Variants in IPO7 observed in about 807,000 individuals in gnomAD.
The protein encoded by IPO7 is importin 7.
Under a neutral mutation model 136.4 loss-of-function variants are expected in IPO7, and 13 were observed. That is an observed-to-expected ratio of 0.10 (90% CI 0.06 to 0.15). IPO7 has a LOEUF of 0.15. IPO7 is among the 10% of genes least tolerant of loss of function. IPO7 has a pLI of 1.00. For synonymous variants in IPO7, 403 were observed against 404.4 expected, an observed-to-expected ratio of 1.00 and a Z score of 0.04; for missense variants, 857 against 1,240.6, an observed-to-expected ratio of 0.69 and a Z score of 4.65.
Position 9,414,345 on chromosome 11 carries a change from T to G in IPO7, c.570T>G (p.Ser190=), listed in dbSNP as rs745830272. ...AGGATCGTTTTATCCAGCTTCTTTC[T>G]GACCAGTCTGATCAGTCTGTCCTCA... ...VLKDRFIQLL[S]DQSDQSVLIQ... Residue 190 remains serine, a synonymous_variant, in exon 5 of 25, where the codon TCT becomes TCG. Coordinates refer to ENST00000379719, the MANE Select transcript of IPO7 (RefSeq NM_006391.3). The G allele has an allele frequency of 2.5e-6, 4 of 1,612,682 alleles. No homozygotes were observed. The South Asian group carries it at 4.4e-5, about 18-fold the overall frequency.
chr11:9,417,874 G>A (rs1266175300), intron 6 of IPO7, among the ~76,000 whole-genome samples: 5 of 151,422 alleles, frequency 3.3e-5, no homozygotes, highest in African/African-American at 1.2e-4. Flanking sequence ...TACCAAGCCC[G>A]TCTAATTTTT....
intron 1 of IPO7, among the ~76,000 whole-genome samples, chr11:9,388,505 G>A (rs1854583611): frequency 6.8e-6 from 1 of 146,652 alleles, no homozygotes; most frequent in Non-Finnish European, 1.5e-5. Context: ...TTGAGACAGG[G>A]TCTTGCTCCA....
chr11:9,395,221 A>T (rs1854691489), intron 1 of IPO7, among the ~76,000 whole-genome samples: 1 of 152,102 alleles, frequency 6.6e-6, no homozygotes, highest in Non-Finnish European at 1.5e-5. Flanking sequence ...TGATATTTTT[A>T]ATTAAGCTTA....
intron 20 of IPO7, among the ~76,000 whole-genome samples, chr11:9,437,224 T>G (rs917045296): frequency 3.3e-5 from 5 of 151,194 alleles, no homozygotes; most frequent in Admixed American, 6.6e-5. Context: ...AAGCCATGAT[T>G]GATATCATCG....
intron 4 of IPO7, among the ~76,000 whole-genome samples, chr11:9,413,284 G>C (rs1854994415): frequency 1.3e-5 from 2 of 152,104 alleles, no homozygotes; most frequent in Admixed American, 1.3e-4. Flanking sequence ...TTGATAGCCT[G>C]TTGGTCACAT....
At chr11:9,407,147 A>G (rs1854900091) in intron 2 of IPO7, among the ~76,000 whole-genome samples, 1 of 152,216 alleles carries the variant, frequency 6.6e-6, no homozygotes, top group Admixed American at 6.5e-5. Context: ...ATCCAGAGAC[A>G]TTGGGACTGT....
At chr11:9,407,420 G>T (rs1025829887) in intron 2 of IPO7, among the ~76,000 whole-genome samples, 2 of 152,090 alleles carry the variant, frequency 1.3e-5, no homozygotes, top group African/African-American at 4.8e-5. Flanking sequence ...TGGGCATGGT[G>T]GTGCATGCCT....
At chr11:9,442,751 G>A (rs1484213425) in intron 24 of IPO7, among the ~76,000 whole-genome samples, 1 of 151,824 alleles carries the variant, frequency 6.6e-6, no homozygotes, top group Admixed American at 6.6e-5. Flanking sequence ...GGCCAGGTGT[G>A]GTGGCTCATG....
At chr11:9,416,972 A>G (rs1289584914) in intron 5 of IPO7, 87 bp from the exon 6 acceptor site, 1 of 591,278 alleles carries the variant, frequency 1.7e-6, no homozygotes, top group Admixed American at 2.9e-5. Context: ...TGAATGAAAT[A>G]CTTTTGGTAG....
Position 9,441,328 on chromosome 11 carries a change from C to T in IPO7, c.2902+667C>T, listed in dbSNP as rs184822816. 2.2e-3 allele frequency among the ~76,000 whole-genome samples: 336 copies of T among 152,210 alleles called. 3 individuals carry two copies. Among genetic ancestry groups the T allele is most frequent in the Non-Finnish European group, 2.4e-3 (164 of 68,020 alleles). On this transcript the variant is annotated intron_variant, in intron 23 of 24. Coordinates refer to ENST00000379719, the MANE Select transcript of IPO7 (RefSeq NM_006391.3). Reference sequence around the variant, plus strand: ...AATACTAGGTTCTGGTTGGTTTTTACCATCATTTACTTGGATTTCAACAAG... The same window carrying T: ...AATACTAGGTTCTGGTTGGTTTTTATCATCATTTACTTGGATTTCAACAAG...
chr11:9,417,178 T>C, intron 6 of IPO7, 30 bp downstream of exon 6: 1 of 895,416 alleles, frequency 1.1e-6, no homozygotes, highest in Non-Finnish European at 1.8e-6. Flanking sequence ...CTTATATTAC[T>C]AAATGTAAAT....
chr11:9,419,102 C>A (rs1317359723), intron 6 of IPO7, among the ~76,000 whole-genome samples: 1 of 152,132 alleles, frequency 6.6e-6, no homozygotes, highest in African/African-American at 2.4e-5. Flanking sequence ...CACACTCTTG[C>A]ATAAATATCA....
At chr11:9,398,818 A>G (rs1564992522) in intron 1 of IPO7, among the ~76,000 whole-genome samples, 1 of 152,242 alleles carries the variant, frequency 6.6e-6, no homozygotes, top group Non-Finnish European at 1.5e-5. Flanking sequence ...GCTATAGAAC[A>G]CTAGAACTCA....
rs776562731 is a variant in IPO7, at chr11:9,423,025, A to G, written c.926A>G (p.Tyr309Cys). ...GVQQVLLKVL[Y>C]QYKEKQYMAP... Reference sequence around the variant, plus strand: ...TCCAAGGTTTTATTGAAGGTGTTATATCAGTACAAGGAGAAGCAATATATG... The same window carrying G: ...TCCAAGGTTTTATTGAAGGTGTTATGTCAGTACAAGGAGAAGCAATATATG... The change falls in exon 9 of 25, where the codon TAT (tyrosine) becomes TGT (cysteine). Residue 309 changes from tyrosine (Y) to cysteine (C), a missense_variant. By Grantham distance (194) the Tyr-to-Cys change is radical (BLOSUM62 -2). Coordinates refer to ENST00000379719, the MANE Select transcript of IPO7 (RefSeq NM_006391.3). 2 of 1,575,538 alleles carry G rather than the reference A, an allele frequency of 1.3e-6. No homozygotes were observed. Among genetic ancestry groups the G allele is most frequent in the South Asian group, 1.2e-5 (1 of 84,634 alleles).
At chr11:9,397,361 T>TATATATATATATATATATATATATATA in intron 1 of IPO7, among the ~76,000 whole-genome samples, 12 of 42,272 alleles carry the variant, frequency 2.8e-4, no homozygotes, top group East Asian at 4.9e-3. Flanking sequence ...TATATATATA[T>TATATATATATATATATATATATATATA]ATATTAGTCG....
At chr11:9,410,771 A>G (rs1375896444) in intron 4 of IPO7, among the ~76,000 whole-genome samples, 1 of 152,208 alleles carries the variant, frequency 6.6e-6, no homozygotes, top group Non-Finnish European at 1.5e-5. Flanking sequence ...TTAAGTCTAT[A>G]GTTGATAGGC....
intron 10 of IPO7, among the ~76,000 whole-genome samples, 184 bp from the exon 11 acceptor site, chr11:9,424,730 A>T (rs1254919329): frequency 6.6e-6 from 1 of 152,256 alleles, no homozygotes; most frequent in African/African-American, 2.4e-5. Context: ...TGACAGAGCG[A>T]GACTCCATCT....
chr11:9,428,303 G>C (rs375850570), intron 12 of IPO7, among the ~76,000 whole-genome samples: 2 of 152,092 alleles, frequency 1.3e-5, no homozygotes, highest in African/African-American at 4.8e-5. Flanking sequence ...CACTATTGCT[G>C]GTAAGATTTG....
chr11:9,401,965 T>G (rs769006380), intron 1 of IPO7, among the ~76,000 whole-genome samples: 5 of 152,182 alleles, frequency 3.3e-5, no homozygotes, highest in Non-Finnish European at 5.9e-5. Flanking sequence ...CCACCATGCC[T>G]GGACTAAACT....
Sources: gnomAD v4.1 joint callset for allele counts (sites outside exome capture counted in the v4.1 genomes callset) on GRCh38, gnomAD v4.1.1 for gene constraint, MANE v1.5 for transcripts, NCBI Gene and HGNC (gene_info 2026-07-23, HGNC 2026-07-21) for gene names.